The following IER3IP1 variants were observed in gnomAD, a reference collection of about 807,000 sequenced individuals.
The protein encoded by IER3IP1 is immediate early response 3-interacting protein 1.
IER3IP1 carries 16 observed loss-of-function variants against 12.2 expected under a neutral mutation model. That is an observed-to-expected ratio of 1.31 (90% CI 0.89 to 1.99). IER3IP1 has a LOEUF of 1.99. Among genes scored for constraint, IER3IP1 ranks in the 30% most tolerant of loss-of-function variants. IER3IP1 has a pLI of 0.00. For missense variants in IER3IP1, 95 were observed against 95.8 expected, an observed-to-expected ratio of 0.99 and a Z score of 0.03; for synonymous variants, 42 against 40.0, an observed-to-expected ratio of 1.05 and a Z score of -0.19.
chr18:47,163,398 G>C (rs2063985953), intron 1 of IER3IP1, among the ~76,000 whole-genome samples: 1 of 152,178 alleles, frequency 6.6e-6, no homozygotes. Context: ...AGGTGGAATG[G>C]AATAGGACGG....
At chr18:47,173,186 C>T (rs1192832537) in intron 1 of IER3IP1, among the ~76,000 whole-genome samples, 1 of 152,128 alleles carries the variant, frequency 6.6e-6, no homozygotes. Context: ...ATTATATCTT[C>T]ACCTTCTTAC....
chr18:47,157,324 G>A (rs1157608227), intron 2 of IER3IP1, 112 bp downstream of exon 2: 34 of 772,064 alleles, frequency 4.4e-5, no homozygotes, highest in South Asian at 6.9e-5. Context: ...CCATGTTAAA[G>A]AGAAAAAAAA....
intron 2 of IER3IP1, chr18:47,157,206 T>G: frequency 1.8e-6 from 1 of 548,494 alleles, no homozygotes; most frequent in Non-Finnish European, 3.2e-6. Flanking sequence ...CACAAACAGA[T>G]TATATGTATT....
Position 47,176,238 on chromosome 18 carries a change from G to A in IER3IP1, c.40C>T (p.Leu14Phe). 11 of 1,609,292 alleles carry A rather than the reference G, an allele frequency of 6.8e-6. No homozygotes were observed. The highest frequency in any genetic ancestry group is 4.5e-5 in the East Asian group (2 of 44,750). The change falls in exon 1 of 3, where the codon CTC (leucine) becomes TTC (phenylalanine). Residue 14 changes from leucine to phenylalanine, a missense_variant. By Grantham distance (22) the Leu-to-Phe change is conservative. Transcript: ENST00000256433. ...AGCACTGCGATGGCGTTGACGCAGA[G>A]CAGGGCTGCCTGCAGCAGTGAGTAC... ...TLYSLLQAAL[L>F]CVNAIAVLHE... is the part of the protein sequence containing the mutation.
rs1001911576 is a variant in IER3IP1 at position 47,172,452 on chromosome 18, A to G, written c.91+3735T>C. Among the ~76,000 whole-genome samples, 8 of 152,138 alleles carry G rather than the reference A, an allele frequency of 5.3e-5. No homozygotes were observed. Among genetic ancestry groups the G allele is most frequent in the Admixed American group, 5.2e-4 (8 of 15,274 alleles). On this transcript the variant is annotated intron_variant, in intron 1 of 2. Transcript: ENST00000256433. This position sits in a 1 kb window ranked among gnomAD's most constrained non-coding sequence, Gnocchi z 4.0. ...CAGGATTCTTTTCAGTCCTTAACTT[A>G]CAGTAGTCCTCCCCCTTAATCTTGG...
intron 1 of IER3IP1, among the ~76,000 whole-genome samples, chr18:47,168,125 C>CAAAAAAA (rs1161198067): frequency 7.9e-5 from 2 of 25,164 alleles, no homozygotes; most frequent in African/African-American, 1.7e-4. Flanking sequence ...GACTCCGTCT[C>CAAAAAAA]AAAAAAAAAA....
chr18:47,163,782 A>G (rs2063987314), intron 1 of IER3IP1, among the ~76,000 whole-genome samples: 1 of 152,192 alleles, frequency 6.6e-6, no homozygotes, highest in African/African-American at 2.4e-5. Flanking sequence ...ATTTAAAAAG[A>G]AAGCCCTCTG....
chr18:47,168,654 A>G (rs2064005093), intron 1 of IER3IP1, among the ~76,000 whole-genome samples: 1 of 152,166 alleles, frequency 6.6e-6, no homozygotes, highest in Admixed American at 6.5e-5. Context: ...TAGTCATTCT[A>G]CCATTTCTAA....
At chr18:47,169,588 T>C (rs2064008513) in intron 1 of IER3IP1, among the ~76,000 whole-genome samples, 1 of 151,738 alleles carries the variant, frequency 6.6e-6, no homozygotes, top group Non-Finnish European at 1.5e-5. Flanking sequence ...TTTAGTGTTT[T>C]TAACTTTTTT....
In IER3IP1 at chr18:47,174,668, C is replaced by CA. The variant is rs1293825170; in HGVS notation, c.91+1518dup. 8.7e-3 allele frequency among the ~76,000 whole-genome samples: 1,119 copies of CA among 128,402 alleles called. 4 individuals are homozygous for CA. The highest frequency in any genetic ancestry group is 0.015 in the African/African-American group (517 of 34,898). The allele number at this position is 128,402 out of a possible 152,430, so 84.2% of individuals were successfully genotyped here. On this transcript the variant is annotated intron_variant, in intron 1 of 2. Transcript: ENST00000256433. ...GGGGGGACAGGGTGAGACTCCGTCT[C>CA]AAAAAAAAAAAAAAATGGGTCTTCC... is the stretch of plus-strand genomic sequence containing the variant.
At position 47,176,251 on chromosome 18, in the gene IER3IP1, C is replaced by T. The variant is rs780054985; in HGVS notation, c.27G>A (p.Leu9=). Residue 9 remains leucine (L), a synonymous_variant, in exon 1 of 3, where the codon CTG becomes CTA. Coordinates refer to ENST00000256433, the MANE Select transcript of IER3IP1 (RefSeq NM_016097.5). ...CGTTGACGCAGAGCAGGGCTGCCTG[C>T]AGCAGTGAGTACAGGGTAAAGGCCA... MAFTLYSL[L]QAALLCVNAI... 1.2e-6 allele frequency: 2 copies of T among 1,609,448 alleles called. No homozygotes were observed. The highest frequency in any genetic ancestry group is 2.2e-5 in the East Asian group (1 of 44,754).
At chr18:47,157,333 A>T in intron 2 of IER3IP1, 103 bp downstream of exon 2, 1 of 961,156 alleles carries the variant, frequency 1.0e-6, no homozygotes, top group Non-Finnish European at 1.6e-6. Context: ...AGAGAAAAAA[A>T]ATTCCCACTA....
Position 47,156,045 on chromosome 18 carries a change from G to C in IER3IP1, c.*132C>G. The C allele has an allele frequency of 1.5e-6, 1 of 657,224 alleles. No homozygotes were observed. Among genetic ancestry groups the C allele is most frequent in the Non-Finnish European group, 2.7e-6 (1 of 367,432 alleles). The allele number at this position is 657,224 out of a possible 1,614,324, so 40.7% of individuals were successfully genotyped here. ...AAAAAACAGATAAATAGAAACCCTG[G>C]TTTTATTTTCAGCTTTACATTTTTG... On this transcript the variant is annotated 3_prime_UTR_variant, in exon 3 of 3. Coordinates refer to ENST00000256433, the MANE Select transcript of IER3IP1 (RefSeq NM_016097.5).
At chr18:47,159,474 G>T (rs577361717) in intron 1 of IER3IP1, among the ~76,000 whole-genome samples, 45 of 152,260 alleles carry the variant, frequency 3.0e-4, no homozygotes, top group African/African-American at 1.1e-3. Flanking sequence ...AATTTGCAAA[G>T]AATGCATAAA....
chr18:47,157,611 T>C, intron 1 of IER3IP1, 74 bp from the exon 2 acceptor site: 1 of 1,306,968 alleles, frequency 7.7e-7, no homozygotes, highest in Non-Finnish European at 1.1e-6. Flanking sequence ...TTCTAAAAGA[T>C]TAGTTTGAGA....
At chr18:47,162,207 G>C (rs894866605) in intron 1 of IER3IP1, among the ~76,000 whole-genome samples, 3 of 152,082 alleles carry the variant, frequency 2.0e-5, no homozygotes, top group African/African-American at 7.2e-5. Flanking sequence ...CCAGTTGTCG[G>C]AAGAAAGACT....
chr18:47,156,336 G>T, intron 2 of IER3IP1, 104 bp from the exon 3 acceptor site: 1 of 704,800 alleles, frequency 1.4e-6, no homozygotes, highest in Non-Finnish European at 2.5e-6. Context: ...CTAACAATAT[G>T]TCATCATAAT....
chr18:47,170,786 A>C (rs1418229183), intron 1 of IER3IP1, among the ~76,000 whole-genome samples: 5 of 151,926 alleles, frequency 3.3e-5, no homozygotes, highest in Non-Finnish European at 2.9e-5. Flanking sequence ...CTTGTAGTGG[A>C]CTCTTTAGGA....
chr18:47,168,125 C>CAAAA (rs1161198067), intron 1 of IER3IP1, among the ~76,000 whole-genome samples: 2 of 25,162 alleles, frequency 7.9e-5, no homozygotes, highest in African/African-American at 1.7e-4. Flanking sequence ...GACTCCGTCT[C>CAAAA]AAAAAAAAAA....
Sources: allele counts gnomAD v4.1 joint callset (sites outside exome capture counted in the v4.1 genomes callset), GRCh38; gene constraint gnomAD v4.1.1; non-coding constraint Gnocchi (gnomAD v3.1); transcripts MANE v1.5; gene names NCBI Gene and HGNC (gene_info 2026-07-23, HGNC 2026-07-21).